Variants in DHX40 observed in about 807,000 individuals in gnomAD.
The protein encoded by DHX40 is probable ATP-dependent RNA helicase DHX40.
DHX40 carries 28 observed loss-of-function variants against 89.6 expected under a neutral mutation model. The ratio of observed to expected loss-of-function variants is 0.31; its 90% CI spans 0.23 to 0.43. The LOEUF is 0.43. Ranked by LOEUF, DHX40 falls within the 20% of genes least tolerant of loss-of-function variation. The pLI, the probability that DHX40 is intolerant of heterozygous loss-of-function variation, is 1.00. For missense variants in DHX40, 457 were observed against 844.0 expected, an observed-to-expected ratio of 0.54 and a Z score of 5.68; for synonymous variants, 226 against 283.6, an observed-to-expected ratio of 0.80 and a Z score of 2.04.
chr17:59,587,638 A>G (rs543100925), intron 11 of DHX40, among the ~76,000 whole-genome samples: 3 of 151,898 alleles, frequency 2.0e-5, no homozygotes, highest in Admixed American at 2.0e-4. Flanking sequence ...TTGTGTTTTT[A>G]GTGGAAACGG....
At chr17:59,598,048 G>A (rs2030221007) in intron 12 of DHX40, among the ~76,000 whole-genome samples, 1 of 150,334 alleles carries the variant, frequency 6.7e-6, no homozygotes, top group South Asian at 2.1e-4. Context: ...TGTATATTTT[G>A]TAGAGACAGG....
At chr17:59,597,950 A>AC (rs1295880812) in intron 12 of DHX40, among the ~76,000 whole-genome samples, 7 of 150,984 alleles carry the variant, frequency 4.6e-5, no homozygotes, top group African/African-American at 1.5e-4. Context: ...AAAAAAAAAA[A>AC]AAACCTCCTG....
intron 2 of DHX40, among the ~76,000 whole-genome samples, chr17:59,568,086 G>A (rs1485697837): frequency 3.3e-5 from 5 of 152,074 alleles, no homozygotes; most frequent in Middle Eastern, 6.8e-3. Flanking sequence ...ACAAAAATTA[G>A]GCGTGGTGGC....
At chr17:59,587,331 C>T (rs2049014178) in intron 11 of DHX40, among the ~76,000 whole-genome samples, 1 of 151,022 alleles carries the variant, frequency 6.6e-6, no homozygotes, top group Non-Finnish European at 1.5e-5. Context: ...TCAAGCAATT[C>T]TCCTGCCTCA....
At chr17:59,583,454 G>A (rs1464480247) in intron 10 of DHX40, among the ~76,000 whole-genome samples, 2,586 of 60,540 alleles carry the variant, frequency 0.043, no homozygotes, top group African/African-American at 0.1. Context: ...AAAATCAACA[G>A]GGTGTAAATT....
chr17:59,598,053 G>A (rs1450892202), intron 12 of DHX40, among the ~76,000 whole-genome samples: 1 of 151,450 alleles, frequency 6.6e-6, no homozygotes, highest in Non-Finnish European at 1.5e-5. Flanking sequence ...ATTTTGTAGA[G>A]ACAGGATCTT....
At chr17:59,574,821 G>T (rs1343413368) in intron 6 of DHX40, among the ~76,000 whole-genome samples, 1 of 151,800 alleles carries the variant, frequency 6.6e-6, no homozygotes, top group Non-Finnish European at 1.5e-5. Flanking sequence ...TCGTAGACAA[G>T]CATGTGGCAT....
rs2030930470 is a variant in DHX40 at position 59,607,323 on chromosome 17, A to G, written c.*151A>G. The G allele has an allele frequency of 4.7e-6, 7 of 1,487,966 alleles. No homozygotes were observed. The highest frequency in any genetic ancestry group is 3.5e-5 in the South Asian group (3 of 84,880). The allele number at this position is 1,487,966 out of a possible 1,614,324, so 92.2% of individuals were successfully genotyped here. A position where few individuals can be genotyped will look rare whatever the true frequency, so the allele number is the denominator to read the frequency against. ...AAAGCAAATCAAAGCTCATAAATCA[A>G]AGCTCATCAGTTCCCATAAATGCAG... On this transcript the variant is annotated 3_prime_UTR_variant, in exon 18 of 18. Transcript: ENST00000251241.
chr17:59,602,399 C>T, intron 14 of DHX40, 123 bp from the exon 15 acceptor site: 2 of 777,656 alleles, frequency 2.6e-6, no homozygotes, highest in African/African-American at 1.8e-5. Flanking sequence ...AAGGGTAAAT[C>T]TGGTCTCTCT....
intron 10 of DHX40, among the ~76,000 whole-genome samples, chr17:59,585,295 C>T (rs2048977661): frequency 8.2e-6 from 1 of 121,680 alleles, no homozygotes; most frequent in Admixed American, 8.2e-5. Flanking sequence ...AGCTACTCAG[C>T]AGGCTGAGGC....
chr17:59,570,230 TA>T lies in DHX40; in HGVS notation c.281-287del, dbSNP rs1353023095. Among the ~76,000 whole-genome samples the T allele has an allele frequency of 2.7e-4, 34 of 126,284 alleles. No homozygotes were observed. In the South Asian group the frequency reaches 7.3e-3, roughly 27 times the overall value. 82.8% of individuals were successfully genotyped at this position (126,284 alleles called of 152,430 possible). ...TATATATTATATATTAAATATATAT[TA>T]GTATATAATATATATAATATATAAA... On this transcript the variant is annotated intron_variant, in intron 2 of 17. Transcript: ENST00000251241.
intron 17 of DHX40, among the ~76,000 whole-genome samples, chr17:59,605,968 A>T (rs976078592): frequency 7.0e-6 from 1 of 142,562 alleles, no homozygotes; most frequent in African/African-American, 2.6e-5. Context: ...CACTATCTCT[A>T]AAAAAAAAAA....
chr17:59,607,367 G>C lies in DHX40; in HGVS notation c.*195G>C, dbSNP rs1443544806. On this transcript the variant is annotated 3_prime_UTR_variant, in exon 18 of 18. Coordinates refer to ENST00000251241, the MANE Select transcript of DHX40 (RefSeq NM_024612.5). Reference sequence around the variant, plus strand: ...AATGCAGTTGTCAAAGAAAAGATTTGGTTGCCATAGTCATAAGCAATGATA... The same window carrying C: ...AATGCAGTTGTCAAAGAAAAGATTTCGTTGCCATAGTCATAAGCAATGATA... 6.6e-6 allele frequency: 7 copies of C among 1,053,384 alleles called. No individual in the cohort carries two copies. The Admixed American group carries it at 8.7e-5, about 13-fold the overall frequency. 65.3% of individuals were successfully genotyped at this position (1,053,384 alleles called of 1,614,324 possible).
intron 10 of DHX40, among the ~76,000 whole-genome samples, chr17:59,583,553 T>C (rs2048963959): frequency 1.4e-5 from 2 of 137,996 alleles, no homozygotes; most frequent in Admixed American, 1.5e-4. Context: ...CATCACAACC[T>C]TAATATTGGC....
intron 14 of DHX40, among the ~76,000 whole-genome samples, chr17:59,601,128 G>A (rs2030494762): frequency 6.7e-6 from 1 of 148,458 alleles, no homozygotes; most frequent in Non-Finnish European, 1.5e-5. Context: ...AACACAGTGA[G>A]ACCTTGTCTC....
chr17:59,572,087 T>C (rs1279436560), intron 3 of DHX40, among the ~76,000 whole-genome samples: 2 of 152,378 alleles, frequency 1.3e-5, no homozygotes, highest in East Asian at 1.9e-4. Flanking sequence ...AAGCATCTTC[T>C]ATATTCATGG....
At chr17:59,569,744 TC>T (rs1489481252) in intron 2 of DHX40, among the ~76,000 whole-genome samples, 1 of 141,064 alleles carries the variant, frequency 7.1e-6, no homozygotes, top group East Asian at 2.0e-4. Context: ...TATAATTTTT[TC>T]TTTCTTTTTT....
chr17:59,590,323 G>A (rs1237433647), intron 12 of DHX40, among the ~76,000 whole-genome samples: 1 of 148,280 alleles, frequency 6.7e-6, no homozygotes, highest in Non-Finnish European at 1.5e-5. Context: ...TAGCTCACTG[G>A]CTTTATACCT....
intron 12 of DHX40, among the ~76,000 whole-genome samples, chr17:59,591,772 A>AGCATT (rs1288571881): frequency 1.3e-5 from 2 of 151,834 alleles, no homozygotes; most frequent in Non-Finnish European, 2.9e-5. Context: ...ATAAATTGGA[A>AGCATT]GCATTGTGCT....
Sources: allele counts gnomAD v4.1 joint callset (sites outside exome capture counted in the v4.1 genomes callset), GRCh38; gene constraint gnomAD v4.1.1; transcripts MANE v1.5; gene names NCBI Gene and HGNC (gene_info 2026-07-23, HGNC 2026-07-21).